The following UFD1 variants were observed in gnomAD, a reference collection of about 807,000 sequenced individuals.
UFD1 encodes ubiquitin recognition factor in ER-associated degradation protein 1.
UFD1 carries 13 observed loss-of-function variants against 45.9 expected under a neutral mutation model. The observed-to-expected ratio is 0.28, with a 90% CI of 0.18 to 0.45. The LOEUF is 0.45. Among genes scored for constraint, UFD1 ranks in the 20% least tolerant of loss-of-function variants. The pLI is 1.00. For missense variants in UFD1, 218 were observed against 389.2 expected (o/e 0.56, Z 3.70); for synonymous variants, 128 against 139.2 (o/e 0.92, Z 0.56).
intron 6 of UFD1, among the ~76,000 whole-genome samples, chr22:19,463,061 AT>A (rs2089778489): frequency 6.6e-6 from 1 of 152,076 alleles, no homozygotes; most frequent in African/African-American, 2.4e-5. Flanking sequence ...TGTATTTGGT[AT>A]TTTCTACCTG....
At chr22:19,469,256 T>C (rs1041689214) in intron 4 of UFD1, among the ~76,000 whole-genome samples, 1 of 152,178 alleles carries the variant, frequency 6.6e-6, no homozygotes, top group Non-Finnish European at 1.5e-5. Context: ...CCAGGCGCAC[T>C]GTCCCTGGGT....
chr22:19,469,912 G>A (rs770403767), intron 4 of UFD1: 2 of 517,950 alleles, frequency 3.9e-6, no homozygotes, highest in South Asian at 2.8e-5. Context: ...TTGGACAAGA[G>A]GCCACCCAAA....
At position 19,450,170 on chromosome 22, in the gene UFD1, C is replaced by G. The variant is rs2089669465; in HGVS notation, c.*500G>C. 6.6e-6 allele frequency: 1 copy of G among 152,502 alleles called. No homozygotes were observed. The highest frequency in any genetic ancestry group is 1.5e-5 in the Non-Finnish European group (1 of 68,298). 9.4% of individuals were successfully genotyped at this position (152,502 alleles called of 1,614,324 possible). ...AAATAAAAATAGAAACATTCTTTGT[C>G]AAATACTTAAATTGCAGCCACAGTA... On this transcript the variant is annotated 3_prime_UTR_variant, in exon 12 of 12. Coordinates refer to ENST00000263202, the MANE Select transcript of UFD1 (RefSeq NM_005659.7).
intron 1 of UFD1, 81 bp downstream of exon 1, chr22:19,479,002 C>A: frequency 7.0e-7 from 1 of 1,430,000 alleles, no homozygotes; most frequent in African/African-American, 1.4e-5. Context: ...CGCCGCCGTC[C>A]CGCCCCGCCC....
In UFD1 at chr22:19,450,042, C is replaced by T. The variant is rs928610885; in HGVS notation, c.*628G>A. The T allele has an allele frequency of 3.9e-5, 6 of 152,166 alleles. No homozygotes were observed. Among genetic ancestry groups the T allele is most frequent in the Non-Finnish European group, 8.8e-5 (6 of 68,046 alleles). The allele number at this position is 152,166 out of a possible 1,614,324, so 9.4% of individuals were successfully genotyped here. ...CTCCATGGAGTTGTTTCACTATGAACAGGTTCACTAAGGAGCCAGTTATGT... is the reference window on the plus strand; with the variant it reads ...CTCCATGGAGTTGTTTCACTATGAATAGGTTCACTAAGGAGCCAGTTATGT... On this transcript the variant is annotated 3_prime_UTR_variant, in exon 12 of 12. Transcript: ENST00000263202.
chr22:19,479,116 C>T lies in UFD1; in HGVS notation c.-31G>A. Reference sequence around the variant, plus strand: ...ACACCACCTGGCAGACTCCGCTCCTCTCAGGCAATGCAACGAAGAAACCCC... The same window carrying T: ...ACACCACCTGGCAGACTCCGCTCCTTTCAGGCAATGCAACGAAGAAACCCC... On this transcript the variant is annotated 5_prime_UTR_variant, in exon 1 of 12. Coordinates refer to ENST00000263202, the MANE Select transcript of UFD1 (RefSeq NM_005659.7). 6.2e-7 allele frequency: 1 copy of T among 1,610,534 alleles called. No homozygotes were observed. The highest frequency in any genetic ancestry group is 8.5e-7 in the Non-Finnish European group (1 of 1,178,994).
At chr22:19,453,362 G>A in intron 11 of UFD1, 2 of 985,424 alleles carry the variant, frequency 2.0e-6, no homozygotes, top group Non-Finnish European at 2.4e-6. Flanking sequence ...TGGGGCTGCA[G>A]GATGGAATAG....
chr22:19,450,730 G>A lies in UFD1; in HGVS notation c.864C>T (p.Gly288=). ...VKKVEEDEAG[G]RFVAFSGEGQ... is the part of the protein sequence containing the mutation. Reference sequence around the variant, plus strand: ...CTTCTCCAGAGAAAGCGACGAATCTGCCTCCAGCTTCATCCTAGGTTTGAA... The same window carrying A: ...CTTCTCCAGAGAAAGCGACGAATCTACCTCCAGCTTCATCCTAGGTTTGAA... Residue 288 remains glycine, a synonymous_variant, in exon 12 of 12, where the codon GGC becomes GGT. Coordinates refer to ENST00000263202, the MANE Select transcript of UFD1 (RefSeq NM_005659.7). 1 of 1,614,152 alleles carries A rather than the reference G, an allele frequency of 6.2e-7. No individual in the cohort carries two copies. The highest frequency in any genetic ancestry group is 8.5e-7 in the Non-Finnish European group (1 of 1,180,020).
rs960223546 is a variant in UFD1 at position 19,479,160 on chromosome 22, C to T, written c.-75G>A. Reference sequence around the variant, plus strand: ...AAACCCCGCCGACCGCTCTCCCAGCCGCCGCTGCCGCTGCCGCCGCGCCAA... The same window carrying T: ...AAACCCCGCCGACCGCTCTCCCAGCTGCCGCTGCCGCTGCCGCCGCGCCAA... On this transcript the variant is annotated 5_prime_UTR_variant, in exon 1 of 12. Transcript: ENST00000263202. The T allele has an allele frequency of 1.3e-5, 20 of 1,575,108 alleles. No homozygotes were observed. Among genetic ancestry groups the T allele is most frequent in the East Asian group, 4.8e-5 (2 of 42,104 alleles).
chr22:19,450,812 T>C lies in UFD1; in HGVS notation c.850-68A>G, dbSNP rs114544555. The C allele has an allele frequency of 3.8e-4, 615 of 1,611,734 alleles. 4 individuals are homozygous for C. In the African/African-American group the frequency reaches 7.1e-3, roughly 19 times the overall value. ...GGTTTACAATAAATGCCTTACTCTA[T>C]GGACTCACGTACCATCCACATTACT... On this transcript the variant is annotated intron_variant, in intron 11 of 11. Transcript: ENST00000263202.
intron 2 of UFD1, 143 bp from the exon 3 acceptor site, chr22:19,475,243 A>C: frequency 9.1e-7 from 1 of 1,097,636 alleles, no homozygotes. Context: ...TTTCATGAAG[A>C]ATCTTACTTG....
chr22:19,454,167 G>T (rs1370076994), intron 11 of UFD1: 1 of 986,460 alleles, frequency 1.0e-6, no homozygotes, highest in Admixed American at 6.1e-5. Context: ...CGGCTCTAGA[G>T]CAAGACAGAG....
At chr22:19,460,852 C>T (rs543394585) in intron 6 of UFD1, among the ~76,000 whole-genome samples, 1 of 151,582 alleles carries the variant, frequency 6.6e-6, no homozygotes, top group Admixed American at 6.6e-5. Context: ...CTCAACTGAT[C>T]CTCCCGCCTC....
chr22:19,474,652 A>G (rs1185813548), intron 3 of UFD1, among the ~76,000 whole-genome samples: 1 of 152,164 alleles, frequency 6.6e-6, no homozygotes, highest in Non-Finnish European at 1.5e-5. Flanking sequence ...CCCTCTTGTG[A>G]GCTGACCAAT....
At chr22:19,462,952 G>C (rs1473467868) in intron 6 of UFD1, among the ~76,000 whole-genome samples, 1 of 152,184 alleles carries the variant, frequency 6.6e-6, no homozygotes, top group Non-Finnish European at 1.5e-5. Context: ...GGAAGGTTTT[G>C]ATGATAGTTA....
chr22:19,465,373 A>G (rs1349036449), intron 5 of UFD1, 99 bp from the exon 6 acceptor site: 1 of 1,021,276 alleles, frequency 9.8e-7, no homozygotes, highest in Non-Finnish European at 1.5e-6. Context: ...AGACTGTACC[A>G]TGATGGTACT....
At chr22:19,467,832 CTCCTT>C in intron 5 of UFD1, 36 bp downstream of exon 5, 4 of 1,610,702 alleles carry the variant, frequency 2.5e-6, no homozygotes, top group Non-Finnish European at 3.4e-6. Context: ...CCAGCACACT[CTCCTT>C]TGTCTAGAAG....
intron 5 of UFD1, chr22:19,466,875 G>A (rs1381757105): frequency 2.6e-5 from 4 of 152,204 alleles, no homozygotes; most frequent in Non-Finnish European, 5.9e-5. Flanking sequence ...CTGAGAAAAT[G>A]GGCATGGCCC....
intron 11 of UFD1, chr22:19,453,011 TG>T (rs2089695040): frequency 3.1e-6 from 3 of 979,690 alleles, no homozygotes; most frequent in Non-Finnish European, 3.6e-6. Flanking sequence ...TTGGTTTCTG[TG>T]GCTGTTCTTC....
Sources: allele counts gnomAD v4.1 joint callset (sites outside exome capture counted in the v4.1 genomes callset), GRCh38; gene constraint gnomAD v4.1.1; transcripts MANE v1.5; gene names NCBI Gene and HGNC (gene_info 2026-07-23, HGNC 2026-07-21).